Variants in CRTAM observed in about 807,000 individuals in gnomAD.
CRTAM encodes the protein cytotoxic and regulatory T-cell molecule.
CRTAM carries 44 observed loss-of-function variants against 50.0 expected under a neutral mutation model. The observed-to-expected ratio is 0.88, with a 90% CI of 0.69 to 1.13. CRTAM has a LOEUF of 1.13. CRTAM is among the 50% of genes most tolerant of loss of function. The probability of loss-of-function intolerance (pLI) is 0.00; values close to 1 mark genes in which losing one functional copy is unlikely to be tolerated. For synonymous variants in CRTAM, 159 were observed against 169.3 expected (o/e 0.94, Z 0.47); for missense variants, 448 against 457.5 (o/e 0.98, Z 0.19).
intron 1 of CRTAM, among the ~76,000 whole-genome samples, chr11:122,843,482 T>G (rs1861824392): frequency 6.6e-6 from 1 of 152,220 alleles, no homozygotes; most frequent in African/African-American, 2.4e-5. Flanking sequence ...AAGGTCTGTA[T>G]GTTCAGCATG....
intron 1 of CRTAM, among the ~76,000 whole-genome samples, chr11:122,843,506 A>C (rs1213332057): frequency 6.6e-6 from 1 of 152,226 alleles, no homozygotes; most frequent in Non-Finnish European, 1.5e-5. Flanking sequence ...GGAGCCGTGC[A>C]GGGCTAATTT....
At chr11:122,842,770 A>G (rs1307864142) in intron 1 of CRTAM, among the ~76,000 whole-genome samples, 1 of 152,230 alleles carries the variant, frequency 6.6e-6, no homozygotes, top group African/African-American at 2.4e-5. Flanking sequence ...AAGAGTTTAG[A>G]GCACCTCTCA....
intron 6 of CRTAM, among the ~76,000 whole-genome samples, chr11:122,863,278 AAG>A (rs1565292626): frequency 6.7e-6 from 1 of 150,092 alleles, no homozygotes; most frequent in East Asian, 2.0e-4. Flanking sequence ...AAGAAAAAGA[AAG>A]AAAGAAAAAG....
At position 122,864,801 on chromosome 11, in the gene CRTAM, C is replaced by T. The variant is rs1164202194; in HGVS notation, c.817+82C>T. 3.9e-6 allele frequency: 4 copies of T among 1,020,366 alleles called. No homozygotes were observed. In the Admixed American group the frequency reaches 5.5e-5, roughly 14 times the overall value. The allele number at this position is 1,020,366 out of a possible 1,614,324, so 63.2% of individuals were successfully genotyped here. On this transcript the variant is annotated intron_variant, in intron 7 of 9. Transcript: ENST00000227348. ...ATAAATTCAATGGCCTTTGTCAGTC[C>T]TCCCTTTTCTTGACCTTTCTGCCCT...
In CRTAM at chr11:122,838,652, C is replaced by T. The variant is rs1591345578; in HGVS notation, c.46+60C>T. On this transcript the variant is annotated intron_variant, in intron 1 of 9. Transcript: ENST00000227348. ...CTGACTTAATGTTTTGCCACATCTA[C>T]CTATCAGTCAGTCAACTGCATTTAC... is the stretch of plus-strand genomic sequence containing the variant. 3 of 1,504,980 alleles carry T rather than the reference C, an allele frequency of 2.0e-6. No individual in the cohort carries two copies. The East Asian group carries it at 6.8e-5, about 34-fold the overall frequency. 93.2% of individuals were successfully genotyped at this position (1,504,980 alleles called of 1,614,324 possible). A position where few individuals can be genotyped will look rare whatever the true frequency, so the allele number is the denominator to read the frequency against.
intron 8 of CRTAM, among the ~76,000 whole-genome samples, 162 bp from the exon 9 acceptor site, chr11:122,867,851 A>G (rs1298312684): frequency 6.6e-6 from 1 of 152,234 alleles, no homozygotes; most frequent in Non-Finnish European, 1.5e-5. Flanking sequence ...CACAGTCCCT[A>G]CAGGAATCAA....
In CRTAM at chr11:122,864,692, A is replaced by G. The variant is rs1410048191; in HGVS notation, c.790A>G (p.Thr264Ala). ...SEIDKEEKEQ[T>A]TQDPDLTTEA... Reference sequence around the variant, plus strand: ...GATTGACAAGGAAGAGAAAGAACAAACCACTCAAGATCCTGACTTGACCAC... The same window carrying G: ...GATTGACAAGGAAGAGAAAGAACAAGCCACTCAAGATCCTGACTTGACCAC... Residue 264 changes from threonine (T) to alanine (A), a missense_variant, in exon 7 of 10, where the codon ACC (threonine) becomes GCC (alanine). By Grantham distance (58) the Thr-to-Ala change is moderately conservative. Coordinates refer to ENST00000227348, the MANE Select transcript of CRTAM (RefSeq NM_019604.4). 6.2e-6 allele frequency: 10 copies of G among 1,613,624 alleles called. No homozygotes were observed. The African/African-American group carries it at 1.2e-4, about 19-fold the overall frequency.
At chr11:122,848,775 C>T (rs1474422048) in intron 1 of CRTAM, among the ~76,000 whole-genome samples, 5 of 152,134 alleles carry the variant, frequency 3.3e-5, no homozygotes, top group Admixed American at 3.3e-4. Flanking sequence ...ATTTGCTATT[C>T]ATAATTTATA....
At chr11:122,846,672 G>T (rs1216565309) in intron 1 of CRTAM, among the ~76,000 whole-genome samples, 1 of 152,106 alleles carries the variant, frequency 6.6e-6, no homozygotes, top group Non-Finnish European at 1.5e-5. Flanking sequence ...AATAATGATT[G>T]TGTACCATGA....
At chr11:122,846,724 G>C (rs1041740365) in intron 1 of CRTAM, among the ~76,000 whole-genome samples, 24 of 152,090 alleles carry the variant, frequency 1.6e-4, no homozygotes, top group African/African-American at 4.3e-4. Context: ...TGGAATCTAA[G>C]GTCCAAAATG....
At chr11:122,862,688 G>A (rs908755560) in intron 6 of CRTAM, 144 bp downstream of exon 6, 41 of 607,228 alleles carry the variant, frequency 6.8e-5, no homozygotes, top group African/African-American at 5.2e-4. Flanking sequence ...CTCCAGCTTT[G>A]TACCATCCTA....
chr11:122,850,319 G>T, intron 2 of CRTAM, 105 bp downstream of exon 2: 2 of 1,200,048 alleles, frequency 1.7e-6, no homozygotes, highest in Non-Finnish European at 2.3e-6. Flanking sequence ...CACCCAAGGG[G>T]TGGGCTCAGC....
In CRTAM at chr11:122,851,960, G is replaced by A. The variant is rs188508195; in HGVS notation, c.346+115G>A. On this transcript the variant is annotated intron_variant, in intron 3 of 9. Transcript: ENST00000227348. ...GTTGCCTAGAGCAAGGAATTGCCTGGGACACCTCTGCCATCTTTTATTGAA... is the reference window on the plus strand; with the variant it reads ...GTTGCCTAGAGCAAGGAATTGCCTGAGACACCTCTGCCATCTTTTATTGAA... The A allele has an allele frequency of 4.2e-4, 350 of 826,016 alleles. No homozygotes were observed. The African/African-American group carries it at 5.5e-3, about 13-fold the overall frequency. 51.2% of individuals were successfully genotyped at this position (826,016 alleles called of 1,614,324 possible). A position where few individuals can be genotyped will look rare whatever the true frequency, so the allele number is the denominator to read the frequency against.
At position 122,854,051 on chromosome 11, in the gene CRTAM, T is replaced by C. The variant is rs894377216; in HGVS notation, c.455T>C (p.Ile152Thr). 1.2e-6 allele frequency: 2 copies of C among 1,614,086 alleles called. No individual in the cohort carries two copies. The highest frequency in any genetic ancestry group is 8.5e-7 in the Non-Finnish European group (1 of 1,179,970). ...ATGAGAAGCAAGCCCCCTCCGCAGA[T>C]AACCTGGCTACTTGGGAATAGCATG... ...STMRSKPPPQ[I>T]TWLLGNSMEV... Residue 152 changes from isoleucine (I) to threonine (T), a missense_variant, in exon 4 of 10, where the codon ATA becomes ACA. By Grantham distance (89) the Ile-to-Thr change is moderately conservative (BLOSUM62 -1). Transcript: ENST00000227348.
chr11:122,858,737 C>T (rs993641525), intron 5 of CRTAM, among the ~76,000 whole-genome samples: 1 of 152,150 alleles, frequency 6.6e-6, no homozygotes, highest in Non-Finnish European at 1.5e-5. Flanking sequence ...TTATGGTGCC[C>T]AGGCTGGTCT....
intron 3 of CRTAM, 113 bp from the exon 4 acceptor site, chr11:122,853,830 C>T (rs1565289571): frequency 2.2e-6 from 2 of 918,504 alleles, no homozygotes; most frequent in Admixed American, 6.2e-5. Context: ...AAAAGAAAGC[C>T]CATTAATTAG....
In CRTAM at chr11:122,839,804, C is replaced by A. The variant is rs138940859; in HGVS notation, c.46+1212C>A. On this transcript the variant is annotated intron_variant, in intron 1 of 9. Coordinates refer to ENST00000227348, the MANE Select transcript of CRTAM (RefSeq NM_019604.4). ...CTATCCTTCTAAATCTACATTTAAT[C>A]TGGAATGGCATCTGAAGGACGCTAC... Among the ~76,000 whole-genome samples the A allele has an allele frequency of 1.0e-3, 156 of 152,328 alleles. 1 individual carries two copies. The highest frequency in any genetic ancestry group is 3.7e-3 in the African/African-American group (154 of 41,570).
intron 1 of CRTAM, among the ~76,000 whole-genome samples, chr11:122,847,227 T>G (rs1242452599): frequency 6.6e-6 from 1 of 152,174 alleles, no homozygotes; most frequent in African/African-American, 2.4e-5. Flanking sequence ...GAGCCAGGAT[T>G]CCAACCCAGT....
intron 1 of CRTAM, among the ~76,000 whole-genome samples, chr11:122,845,158 T>C (rs1373432771): frequency 6.6e-6 from 1 of 151,292 alleles, no homozygotes; most frequent in Non-Finnish European, 1.5e-5. Flanking sequence ...AGGAAGGGAG[T>C]CAAAAAGAGA....
Sources: allele counts gnomAD v4.1 joint callset (sites outside exome capture counted in the v4.1 genomes callset), GRCh38; gene constraint gnomAD v4.1.1; transcripts MANE v1.5; gene names NCBI Gene and HGNC (gene_info 2026-07-23, HGNC 2026-07-21).